ZNF676: variants seen among roughly 807,000 people sequenced by gnomAD.
ZNF676 encodes the protein zinc finger protein 676.
ZNF676 carries 4 observed loss-of-function variants against 6.0 expected under a neutral mutation model. That is an observed-to-expected ratio of 0.67 (90% CI 0.33 to 1.53). ZNF676 has a LOEUF of 1.53. Ranked by LOEUF, ZNF676 falls within the 40% of genes most tolerant of loss-of-function variation. ZNF676 has a pLI of 0.06. For missense variants in ZNF676, 644 were observed against 679.7 expected (o/e 0.95, Z 0.58); for synonymous variants, 198 against 223.1 (o/e 0.89, Z 1.00).
intron 1 of ZNF676, among the ~76,000 whole-genome samples, chr19:22,215,453 C>G (rs2024174571): frequency 6.6e-6 from 1 of 152,316 alleles, no homozygotes; most frequent in Non-Finnish European, 1.5e-5. Flanking sequence ...AGGGAAGAGA[C>G]AGGACGCCCG....
chr19:22,240,203 G>C, the ZNF676 span, among the ~76,000 whole-genome samples: 5 of 149,874 alleles, frequency 3.3e-5, 1 homozygote, highest in African/African-American at 1.3e-4. Flanking sequence ...GACACCTGTG[G>C]GCAGGGGCCA....
chr19:22,238,038 G>A, the ZNF676 span, among the ~76,000 whole-genome samples: 1 of 152,280 alleles, frequency 6.6e-6, no homozygotes, highest in Middle Eastern at 3.4e-3. Flanking sequence ...CCAAAAGATA[G>A]AATGCCTGAG....
chr19:22,181,786 G>A (rs1370917900), intron 2 of ZNF676, among the ~76,000 whole-genome samples, 200 bp from the exon 3 acceptor site: 3 of 152,056 alleles, frequency 2.0e-5, no homozygotes, highest in South Asian at 4.1e-4. Context: ...TTATACATGA[G>A]TTAAGTGTGT....
rs2023700264 is a variant in ZNF676, at chr19:22,179,718, A to G, written c.*232T>C. ...CGCATTTGTAGGGTTTCTCTCCAGT[A>G]TGAATTCTCTTATGTTCCACAAGGT... is the stretch of plus-strand genomic sequence containing the variant. On this transcript the variant is annotated 3_prime_UTR_variant, in exon 3 of 3. Transcript: ENST00000397121. 3 of 745,516 alleles carry G rather than the reference A, an allele frequency of 4.0e-6. No homozygotes were observed. The allele number at this position is 745,516 out of a possible 1,614,324, so 46.2% of individuals were successfully genotyped here.
the ZNF676 span, among the ~76,000 whole-genome samples, chr19:22,229,398 C>T: frequency 6.6e-6 from 1 of 152,088 alleles, no homozygotes; most frequent in African/African-American, 2.4e-5. Context: ...CCATAAAAAC[C>T]CTAGAAGAAA....
At chr19:22,201,362 A>G (rs968834016), upstream of ZNF676, among the ~76,000 whole-genome samples, 11 of 152,208 alleles carry the variant, frequency 7.2e-5, no homozygotes, top group African/African-American at 1.7e-4. Context: ...TAAAATGTCT[A>G]TGTTGATATC....
At chr19:22,208,461 A>G (rs1384634551) in intron 1 of ZNF676, among the ~76,000 whole-genome samples, 1 of 152,228 alleles carries the variant, frequency 6.6e-6, no homozygotes, top group Non-Finnish European at 1.5e-5. Flanking sequence ...AAAGCAGTGT[A>G]GTGATTCCTC....
intron 1 of ZNF676, among the ~76,000 whole-genome samples, chr19:22,195,828 C>T (rs1053599112): frequency 6.6e-6 from 1 of 152,172 alleles, no homozygotes; most frequent in Non-Finnish European, 1.5e-5. Flanking sequence ...CCCAACATCA[C>T]CTTTGATACT....
At chr19:22,207,995 AAAC>A (rs2024093212) in intron 1 of ZNF676, among the ~76,000 whole-genome samples, 2 of 151,574 alleles carry the variant, frequency 1.3e-5, no homozygotes, top group Admixed American at 6.6e-5. Flanking sequence ...AAAAAAAAAA[AAAC>A]AAAAAACCCT....
chr19:22,247,297 C>G, the ZNF676 span, among the ~76,000 whole-genome samples: 502 of 152,248 alleles, frequency 3.3e-3, no homozygotes, highest in South Asian at 0.018. Context: ...GGCACGGCGG[C>G]TCATGTCAGT....
At chr19:22,241,054 G>C in the ZNF676 span, among the ~76,000 whole-genome samples, 3 of 151,930 alleles carry the variant, frequency 2.0e-5, no homozygotes, top group Non-Finnish European at 4.4e-5. Flanking sequence ...GCCTGACAGT[G>C]CATCACAATG....
At chr19:22,257,396 T>A in the ZNF676 span, among the ~76,000 whole-genome samples, 2 of 152,228 alleles carry the variant, frequency 1.3e-5, no homozygotes, top group Admixed American at 1.3e-4. Context: ...ATATGTCCAA[T>A]ACCAAAAATA....
the ZNF676 span, among the ~76,000 whole-genome samples, chr19:22,242,850 G>C: frequency 6.6e-6 from 1 of 151,434 alleles, no homozygotes; most frequent in Admixed American, 6.6e-5. Flanking sequence ...AGTTGGGGGG[G>C]GGCTCTCATG....
the ZNF676 span, among the ~76,000 whole-genome samples, chr19:22,255,356 C>T: frequency 9.9e-5 from 15 of 152,056 alleles, no homozygotes; most frequent in South Asian, 6.2e-4. Flanking sequence ...GTGCTTGGCC[C>T]TTTAGGACAC....
At chr19:22,205,359 T>C (rs1354603045) in intron 1 of ZNF676, among the ~76,000 whole-genome samples, 2 of 152,100 alleles carry the variant, frequency 1.3e-5, no homozygotes, top group African/African-American at 4.8e-5. Context: ...ACATACATTC[T>C]TCTCATCACC....
At chr19:22,217,859 G>A (rs1210489512), upstream of ZNF676, among the ~76,000 whole-genome samples, 2 of 151,654 alleles carry the variant, frequency 1.3e-5, no homozygotes, top group African/African-American at 2.4e-5. Flanking sequence ...ACACTCCATC[G>A]CGCCCTGCTA....
the ZNF676 span, among the ~76,000 whole-genome samples, chr19:22,242,250 A>G: frequency 2.0e-5 from 3 of 151,856 alleles, no homozygotes; most frequent in South Asian, 4.1e-4. Context: ...AAAGGGTAAA[A>G]TCACAATCAT....
chr19:22,179,886 A>G lies in ZNF676; in HGVS notation c.*64T>C. The G allele has an allele frequency of 6.5e-7, 1 of 1,537,052 alleles. No individual in the cohort carries two copies. Among genetic ancestry groups the G allele is most frequent in the Non-Finnish European group, 8.9e-7 (1 of 1,117,754 alleles). ...CACCTTTGTAGATTTTCTCTCCAGT[A>G]TGAATTTTCTTATGTTTACTAGACT... On this transcript the variant is annotated 3_prime_UTR_variant, in exon 3 of 3. Coordinates refer to ENST00000397121, the MANE Select transcript of ZNF676 (RefSeq NM_001001411.3).
intron 1 of ZNF676, among the ~76,000 whole-genome samples, chr19:22,214,666 A>T (rs2024165180): frequency 6.6e-6 from 1 of 151,784 alleles, no homozygotes; most frequent in African/African-American, 2.4e-5. Flanking sequence ...GGGGAAAAAA[A>T]TTCAGGCTTA....
Sources: allele counts gnomAD v4.1 joint callset (sites outside exome capture counted in the v4.1 genomes callset), GRCh38; gene constraint gnomAD v4.1.1; transcripts MANE v1.5; gene names NCBI Gene and HGNC (gene_info 2026-07-23, HGNC 2026-07-21).